ADGRL3: variants seen among roughly 807,000 people sequenced by gnomAD.
ADGRL3 encodes adhesion G protein-coupled receptor L3, also known as calcium-independent alpha-latrotoxin receptor 3.
ADGRL3 carries 62 observed loss-of-function variants against 153.5 expected under a neutral mutation model. The ratio of observed to expected loss-of-function variants is 0.40; its 90% CI spans 0.33 to 0.50. The LOEUF is 0.50. Among genes scored for constraint, ADGRL3 ranks in the 20% least tolerant of loss-of-function variants. The probability of loss-of-function intolerance (pLI) is 0.47; values close to 1 mark genes in which losing one functional copy is unlikely to be tolerated. For missense variants in ADGRL3, 1,641 were observed against 1,859.4 expected, an observed-to-expected ratio of 0.88 and a Z score of 2.16; for synonymous variants, 710 against 672.5, an observed-to-expected ratio of 1.06 and a Z score of -0.86.
chr4:61,946,877 G>C (rs780063237), intron 15 of ADGRL3, 37 bp from the exon 16 acceptor site: 3 of 1,475,662 alleles, frequency 2.0e-6, no homozygotes, highest in South Asian at 2.3e-5. Context: ...AATTTAAGTA[G>C]AGTGGACAAA....
intron 1 of ADGRL3, among the ~76,000 whole-genome samples, chr4:61,326,997 C>A (rs2095478752): frequency 6.6e-6 from 1 of 151,752 alleles, no homozygotes; most frequent in South Asian, 2.1e-4. Context: ...AAGCACCAAA[C>A]CTAGGTGCTT....
rs138592100 is a variant in ADGRL3 at position 61,204,338 on chromosome 4, G to A, written c.-240+2573G>A. On this transcript the variant is annotated intron_variant, in intron 1 of 26. Transcript: ENST00000683033. ...TTAATTCATGAGAATCTAGCTTCAC[G>A]TATTTGTTTCATTTCTAGATGATAC... Among the ~76,000 whole-genome samples the A allele has an allele frequency of 7.9e-5, 12 of 152,188 alleles. 1 individual carries two copies. Among genetic ancestry groups the A allele is most frequent in the African/African-American group, 1.9e-4 (8 of 41,522 alleles).
At chr4:61,397,146 T>A (rs2096877721) in intron 2 of ADGRL3, among the ~76,000 whole-genome samples, 1 of 151,918 alleles carries the variant, frequency 6.6e-6, no homozygotes, top group Non-Finnish European at 1.5e-5. Context: ...TTATTTATAA[T>A]TGTTACCAAA....
At chr4:61,780,452 G>A (rs1057250289) in intron 8 of ADGRL3, among the ~76,000 whole-genome samples, 4 of 152,202 alleles carry the variant, frequency 2.6e-5, no homozygotes, top group African/African-American at 9.6e-5. Context: ...ATAGGTTAAA[G>A]GAATTTAGAA....
At chr4:61,829,205 T>A (rs928075205) in intron 9 of ADGRL3, among the ~76,000 whole-genome samples, 2 of 152,212 alleles carry the variant, frequency 1.3e-5, no homozygotes, top group African/African-American at 4.8e-5. Context: ...TATAACTTCA[T>A]TATGTCAGAT....
Position 61,467,078 on chromosome 4 carries a change from T to C in ADGRL3, c.-173-30043T>C, listed in dbSNP as rs547836807. 4.6e-5 allele frequency among the ~76,000 whole-genome samples: 7 copies of C among 152,254 alleles called. 1 individual carries two copies. The highest frequency in any genetic ancestry group is 1.7e-4 in the African/African-American group (7 of 41,574). ...TGACACCAAGCTCTGACTTAGGTCT[T>C]GTGGAGGCTGAAAATAATAGGACGC... is the stretch of plus-strand genomic sequence containing the variant. On this transcript the variant is annotated intron_variant, in intron 2 of 26. Coordinates refer to ENST00000683033, the MANE Select transcript of ADGRL3 (RefSeq NM_001387552.1).
chr4:61,509,794 T>C (rs1294699300), intron 3 of ADGRL3, among the ~76,000 whole-genome samples: 1 of 152,212 alleles, frequency 6.6e-6, no homozygotes, highest in Admixed American at 6.5e-5. Flanking sequence ...ATAATGGGAA[T>C]ACTGGGTAGA....
intron 13 of ADGRL3, among the ~76,000 whole-genome samples, chr4:61,931,688 G>A (rs1266000851): frequency 6.6e-6 from 1 of 152,074 alleles, no homozygotes; most frequent in Non-Finnish European, 1.5e-5. Flanking sequence ...TGTTAAATTG[G>A]TGTCATAACT....
At chr4:61,326,915 C>A (rs1380235140) in intron 1 of ADGRL3, among the ~76,000 whole-genome samples, 1 of 151,588 alleles carries the variant, frequency 6.6e-6, no homozygotes, top group African/African-American at 2.4e-5. Context: ...TTATTATGGT[C>A]CACAATATAA....
In ADGRL3 at chr4:61,801,332, A is replaced by G. The variant is rs114189621; in HGVS notation, c.1400-12477A>G. 1.7e-3 allele frequency among the ~76,000 whole-genome samples: 254 copies of G among 152,170 alleles called. 1 individual carries two copies. Among genetic ancestry groups the G allele is most frequent in the African/African-American group, 6.0e-3 (249 of 41,546 alleles). On this transcript the variant is annotated intron_variant, in intron 8 of 26. Transcript: ENST00000683033. ...GAACAATTCTTAGAACATCAAGGCT[A>G]TTTGAGCTCCAGCACCTGATGTAAA... is the stretch of plus-strand genomic sequence containing the variant.
At chr4:62,058,165 A>G (rs2151831725) in intron 25 of ADGRL3, among the ~76,000 whole-genome samples, 1 of 152,050 alleles carries the variant, frequency 6.6e-6, no homozygotes, top group South Asian at 2.1e-4. Flanking sequence ...TGGGCTTTTT[A>G]CTTTGAGTTA....
intron 9 of ADGRL3, among the ~76,000 whole-genome samples, chr4:61,846,849 GGAA>G (rs1206160132): frequency 2.0e-5 from 3 of 151,628 alleles, no homozygotes; most frequent in Non-Finnish European, 2.9e-5. Flanking sequence ...GGGTGGGGCG[GGAA>G]GAAGGAGAGG....
chr4:61,782,774 G>A (rs774950275), intron 8 of ADGRL3, among the ~76,000 whole-genome samples: 2 of 152,086 alleles, frequency 1.3e-5, no homozygotes, highest in Non-Finnish European at 2.9e-5. Flanking sequence ...TGCCAGTAAA[G>A]CAGTCAGACA....
chr4:61,482,996 G>T (rs1395171182), intron 2 of ADGRL3, among the ~76,000 whole-genome samples: 1 of 152,148 alleles, frequency 6.6e-6, no homozygotes, highest in Admixed American at 6.5e-5. Context: ...TGAGTTCATT[G>T]AAATTTCCAA....
At chr4:61,838,982 G>C (rs748061749) in intron 9 of ADGRL3, among the ~76,000 whole-genome samples, 1 of 152,140 alleles carries the variant, frequency 6.6e-6, no homozygotes, top group Non-Finnish European at 1.5e-5. Flanking sequence ...CTAATATAAG[G>C]AGTCCTGTTG....
chr4:62,074,277 A>C lies in ADGRL3; in HGVS notation c.*3369A>C, dbSNP rs924603875. The C allele has an allele frequency of 1.3e-5, 2 of 151,980 alleles. No homozygotes were observed. Among genetic ancestry groups the C allele is most frequent in the African/African-American group, 4.8e-5 (2 of 41,264 alleles). The allele number at this position is 151,980 out of a possible 1,614,324, so 9.4% of individuals were successfully genotyped here. On this transcript the variant is annotated 3_prime_UTR_variant, in exon 27 of 27. Transcript: ENST00000683033. ...GCCAGCTAGAAGTAAAACTTATGCC[A>C]CCGAAACAAACAAATGATTACTTTC...
At chr4:61,300,764 CTTTCTTTT>C (rs2094555330) in intron 1 of ADGRL3, among the ~76,000 whole-genome samples, 1 of 111,496 alleles carries the variant, frequency 9.0e-6, no homozygotes, top group Non-Finnish European at 1.9e-5. Flanking sequence ...TCTTTTCTTT[CTTTCTTTT>C]TTTTTTTTTT....
chr4:61,513,577 C>A (rs2098475225), intron 3 of ADGRL3, among the ~76,000 whole-genome samples: 2 of 151,894 alleles, frequency 1.3e-5, no homozygotes, highest in African/African-American at 4.8e-5. Flanking sequence ...TTCACGCTTG[C>A]CCACTAGGAA....
At chr4:61,628,526 T>G (rs2092968294) in intron 5 of ADGRL3, among the ~76,000 whole-genome samples, 1 of 152,222 alleles carries the variant, frequency 6.6e-6, no homozygotes, top group Non-Finnish European at 1.5e-5. Flanking sequence ...TTTAACATTT[T>G]TCATCTTACT....
Sources: allele counts gnomAD v4.1 joint callset (sites outside exome capture counted in the v4.1 genomes callset), GRCh38; gene constraint gnomAD v4.1.1; transcripts MANE v1.5; gene names NCBI Gene and HGNC (gene_info 2026-07-23, HGNC 2026-07-21).